The following ZNF32 variants were observed in gnomAD, a reference collection of about 807,000 sequenced individuals.
The protein encoded by ZNF32 is C2H2-546.
ZNF32 carries 13 observed loss-of-function variants against 24.4 expected under a neutral mutation model. The ratio of observed to expected loss-of-function variants is 0.53; its 90% CI spans 0.35 to 0.85. The LOEUF (loss-of-function observed/expected upper bound fraction) is 0.85. ZNF32 is among the 40% of genes least tolerant of loss of function. The pLI, the probability that ZNF32 is intolerant of heterozygous loss-of-function variation, is 0.01. For missense variants in ZNF32, 239 were observed against 325.3 expected, an observed-to-expected ratio of 0.73 and a Z score of 2.04; for synonymous variants, 115 against 117.4, an observed-to-expected ratio of 0.98 and a Z score of 0.13.
chr10:43,647,002 T>G (rs959628684), intron 1 of ZNF32: 2 of 152,214 alleles, frequency 1.3e-5, no homozygotes, highest in Admixed American at 1.3e-4. Context: ...GGAAGAGAGT[T>G]TGACCAGATT....
chr10:43,644,928 T>C lies in ZNF32; in HGVS notation c.71-127A>G, dbSNP rs907366371. 1 of 1,064,970 alleles carries C rather than the reference T, an allele frequency of 9.4e-7. No homozygotes were observed. The highest frequency in any genetic ancestry group is 1.6e-5 in the African/African-American group (1 of 62,274). The allele number at this position is 1,064,970 out of a possible 1,614,324, so 66.0% of individuals were successfully genotyped here. On this transcript the variant is annotated intron_variant, in intron 2 of 2. Coordinates refer to ENST00000374433, the MANE Select transcript of ZNF32 (RefSeq NM_006973.3). The surrounding 1 kb of genome is among the most constrained non-coding windows in gnomAD (Gnocchi z 5.3). ...CTTATTCTTTGCATAGACAATGCAATCCTGAAAACAATGCCATGAGAGTGA... is the reference window on the plus strand; with the variant it reads ...CTTATTCTTTGCATAGACAATGCAACCCTGAAAACAATGCCATGAGAGTGA...
At chr10:43,647,592 CA>C (rs1839349237) in intron 1 of ZNF32, 1 of 152,214 alleles carries the variant, frequency 6.6e-6, no homozygotes, top group South Asian at 2.1e-4. Flanking sequence ...TTGACAACTG[CA>C]CATTCTGCTA....
intron 1 of ZNF32, chr10:43,647,882 G>A (rs935842073): frequency 2.6e-5 from 4 of 152,226 alleles, no homozygotes; most frequent in Middle Eastern, 3.4e-3. Context: ...TTACAACTCC[G>A]CCGCCTATCA....
chr10:43,644,767 G>C lies in ZNF32; in HGVS notation c.105C>G (p.His35Gln). 6.2e-7 allele frequency: 1 copy of C among 1,611,072 alleles called. No individual in the cohort carries two copies. Among genetic ancestry groups the C allele is most frequent in the South Asian group, 1.1e-5 (1 of 90,496 alleles). Reference protein sequence around the residue: ...VMTEAHHKYDHSEATGSSSWD... With the variant: ...VMTEAHHKYDQSEATGSSSWD... ...AGCTTGAGGATCCTGTAGCCTCAGAGTGGTCATATTTGTGGTGGGCTTCAG... is the reference window on the plus strand; with the variant it reads ...AGCTTGAGGATCCTGTAGCCTCAGACTGGTCATATTTGTGGTGGGCTTCAG... Residue 35 changes from histidine (H) to glutamine (Q), a missense_variant, in exon 3 of 3, where the codon CAC becomes CAG. By Grantham distance (24) the His-to-Gln change is conservative. Transcript: ENST00000374433. The surrounding 1 kb of genome is among the most constrained non-coding windows in gnomAD (Gnocchi z 5.3).
At chr10:43,647,899 TC>T (rs1839369001) in intron 1 of ZNF32, 1 of 152,298 alleles carries the variant, frequency 6.6e-6, no homozygotes, top group Admixed American at 6.5e-5. Flanking sequence ...ATCAGGGACC[TC>T]CGTGATTAGT....
Position 43,644,997 on chromosome 10 carries a change from C to G in ZNF32, c.71-196G>C, listed in dbSNP as rs777064844. The G allele has an allele frequency of 1.6e-6, 1 of 631,602 alleles. No individual in the cohort carries two copies. The highest frequency in any genetic ancestry group is 2.6e-6 in the Non-Finnish European group (1 of 383,098). 39.1% of individuals were successfully genotyped at this position (631,602 alleles called of 1,614,324 possible). A position where few individuals can be genotyped will look rare whatever the true frequency, so the allele number is the denominator to read the frequency against. On this transcript the variant is annotated intron_variant, in intron 2 of 2. Transcript: ENST00000374433. This position sits in a 1 kb window ranked among gnomAD's most constrained non-coding sequence, Gnocchi z 5.3. ...AGGGAGCCTGTCAAAGGTCACAGAGCTAGGTAAGTTAGAGCTGACTCAAAT... is the reference window on the plus strand; with the variant it reads ...AGGGAGCCTGTCAAAGGTCACAGAGGTAGGTAAGTTAGAGCTGACTCAAAT...
rs1839419953 is a variant in ZNF32, at chr10:43,648,832, G to A, written c.-100C>T. ...CGGCGCGTGCCCGCAGACAAAGGCC[G>A]GCGCCGAGCCCGCAGCAGCGCCAGC... is the stretch of plus-strand genomic sequence containing the variant. On this transcript the variant is annotated 5_prime_UTR_variant, in exon 1 of 3. Coordinates refer to ENST00000374433, the MANE Select transcript of ZNF32 (RefSeq NM_006973.3). 1 of 152,076 alleles carries A rather than the reference G, an allele frequency of 6.6e-6. No individual in the cohort carries two copies. Among genetic ancestry groups the A allele is most frequent in the Middle Eastern group, 3.4e-3 (1 of 292 alleles). The allele number at this position is 152,076 out of a possible 1,614,324, so 9.4% of individuals were successfully genotyped here. A position where few individuals can be genotyped will look rare whatever the true frequency, so the allele number is the denominator to read the frequency against.
In ZNF32 at chr10:43,644,404, A is replaced by C; in HGVS notation, c.468T>G (p.Thr156=). 6.2e-7 allele frequency: 1 copy of C among 1,614,028 alleles called. No individual in the cohort carries two copies. The highest frequency in any genetic ancestry group is 2.2e-5 in the East Asian group (1 of 44,884). ...TAGCACACTCGTAGGGTTTCTGTCC[A>C]GTGTGGAGTCTCTCGTGGACAGCGA... ...GSLAVHERLH[T]GQKPYECAIC... Residue 156 remains threonine, a synonymous_variant, in exon 3 of 3, where the codon ACT becomes ACG. Coordinates refer to ENST00000374433, the MANE Select transcript of ZNF32 (RefSeq NM_006973.3). The surrounding 1 kb of genome is among the most constrained non-coding windows in gnomAD (Gnocchi z 5.3).
At chr10:43,645,829 CTCAT>C in intron 2 of ZNF32, 1 of 746,506 alleles carries the variant, frequency 1.3e-6, no homozygotes, top group Non-Finnish European at 1.9e-6. Context: ...ATTTAAGCTG[CTCAT>C]TCATTCTCAG....
Position 43,648,788 on chromosome 10 carries a change from G to A in ZNF32, c.-70+14C>T, listed in dbSNP as rs1454612035. ...TTGCCCCGGCGCTCTGACCCGGCCAGCGGCCTCACTCACCGCAGCGGCGCG... is the reference window on the plus strand; with the variant it reads ...TTGCCCCGGCGCTCTGACCCGGCCAACGGCCTCACTCACCGCAGCGGCGCG... On this transcript the variant is annotated intron_variant, in intron 1 of 2. Coordinates refer to ENST00000374433, the MANE Select transcript of ZNF32 (RefSeq NM_006973.3). The A allele has an allele frequency of 6.6e-6, 1 of 152,050 alleles. No individual in the cohort carries two copies. Among genetic ancestry groups the A allele is most frequent in the Non-Finnish European group, 1.5e-5 (1 of 67,966 alleles). The allele number at this position is 152,050 out of a possible 1,614,324, so 9.4% of individuals were successfully genotyped here. A position where few individuals can be genotyped will look rare whatever the true frequency, so the allele number is the denominator to read the frequency against.
Position 43,643,997 on chromosome 10 carries a change from C to G in ZNF32, c.*53G>C. 6.5e-7 allele frequency: 1 copy of G among 1,533,690 alleles called. No individual in the cohort carries two copies. Among genetic ancestry groups the G allele is most frequent in the South Asian group, 1.3e-5 (1 of 76,746 alleles). On this transcript the variant is annotated 3_prime_UTR_variant, in exon 3 of 3. Transcript: ENST00000374433. The stretch of plus-strand genomic sequence containing the variant: ...TAGAACTGGATAGGTTGCTTCATCT[C>G]AGAGGATTTTGTACTCTTAATTCAT...
rs1316880339 is a variant in ZNF32 at position 43,646,198 on chromosome 10, A to G, written c.-65T>C. On this transcript the variant is annotated 5_prime_UTR_variant, in exon 2 of 3. Coordinates refer to ENST00000374433, the MANE Select transcript of ZNF32 (RefSeq NM_006973.3). ...ATGATTCTTCCATGGGCTGTTCCTG[A>G]GCACCTGAGGGAGAAAAACAAACAG... The G allele has an allele frequency of 1.9e-6, 3 of 1,580,930 alleles. No individual in the cohort carries two copies. The highest frequency in any genetic ancestry group is 2.7e-5 in the African/African-American group (2 of 74,218).
intron 1 of ZNF32, chr10:43,647,493 T>A (rs1839344430): frequency 6.6e-6 from 1 of 152,240 alleles, no homozygotes; most frequent in Admixed American, 6.5e-5. Context: ...CTCTAATTTG[T>A]CCTATCAAAA....
At chr10:43,647,358 G>C (rs1251263981) in intron 1 of ZNF32, 1 of 151,970 alleles carries the variant, frequency 6.6e-6, no homozygotes, top group African/African-American at 2.4e-5. Context: ...GTAGGCATGA[G>C]CTACTACACC....
intron 1 of ZNF32, chr10:43,646,988 G>A (rs528860362): frequency 6.6e-6 from 1 of 152,318 alleles, no homozygotes; most frequent in Admixed American, 6.5e-5. Context: ...AAATTGAACA[G>A]AAAGGAAGAG....
chr10:43,648,340 G>A (rs181850494), intron 1 of ZNF32, among the ~76,000 whole-genome samples: 1 of 152,316 alleles, frequency 6.6e-6, no homozygotes, highest in African/African-American at 2.4e-5. Flanking sequence ...GAGCTTGTGG[G>A]TAGCGTGGTT....
chr10:43,648,360 C>T (rs982196841), intron 1 of ZNF32, among the ~76,000 whole-genome samples: 1 of 152,216 alleles, frequency 6.6e-6, no homozygotes, highest in Non-Finnish European at 1.5e-5. Context: ...TTCCCACACG[C>T]TGCCTGGCTT....
At position 43,643,868 on chromosome 10, in the gene ZNF32, T is replaced by C. The variant is rs1036600227; in HGVS notation, c.*182A>G. On this transcript the variant is annotated 3_prime_UTR_variant, in exon 3 of 3. Coordinates refer to ENST00000374433, the MANE Select transcript of ZNF32 (RefSeq NM_006973.3). ...AATTATAAAACATACATGATAATGATAATAAACAAGACATTTATTTTTCAT... is the reference window on the plus strand; with the variant it reads ...AATTATAAAACATACATGATAATGACAATAAACAAGACATTTATTTTTCAT... 9 of 636,486 alleles carry C rather than the reference T, an allele frequency of 1.4e-5. No homozygotes were observed. The Admixed American group carries it at 2.8e-4, about 20-fold the overall frequency. 39.4% of individuals were successfully genotyped at this position (636,486 alleles called of 1,614,324 possible). A position where few individuals can be genotyped will look rare whatever the true frequency, so the allele number is the denominator to read the frequency against.
In ZNF32 at chr10:43,646,072, G is replaced by T; in HGVS notation, c.62C>A (p.Ala21Glu). ...DCHGRYAQNV[A>E]FFNVMTEAHH... ...TCAACTGACTCACTCACTGAAGAAC[G>T]CTACATTCTGGGCATATCTTCCATG... The change falls in exon 2 of 3, where the codon GCG (alanine) becomes GAG (glutamate). Residue 21 changes from alanine to glutamate, a missense_variant. Transcript: ENST00000374433. 1 of 1,614,104 alleles carries T rather than the reference G, an allele frequency of 6.2e-7. No individual in the cohort carries two copies. The highest frequency in any genetic ancestry group is 8.5e-7 in the Non-Finnish European group (1 of 1,180,006).
Sources: gnomAD v4.1 joint callset for allele counts (sites outside exome capture counted in the v4.1 genomes callset) on GRCh38, gnomAD v4.1.1 for gene constraint, Gnocchi (gnomAD v3.1) non-coding constraint, MANE v1.5 for transcripts, NCBI Gene and HGNC (gene_info 2026-07-23, HGNC 2026-07-21) for gene names.